Variants in FAM161B observed in about 807,000 individuals in gnomAD.
FAM161B encodes protein FAM161B.
In FAM161B, 46 loss-of-function variants were observed where a neutral mutation model predicts 61.5. The ratio of observed to expected loss-of-function variants is 0.75; its 90% CI spans 0.59 to 0.96. The LOEUF (loss-of-function observed/expected upper bound fraction) is 0.96. Among genes scored for constraint, FAM161B ranks in the 40% least tolerant of loss-of-function variants. The probability of loss-of-function intolerance (pLI) is 0.00; values close to 1 mark genes in which losing one functional copy is unlikely to be tolerated. For synonymous variants in FAM161B, 284 were observed against 302.7 expected, an observed-to-expected ratio of 0.94 and a Z score of 0.64; for missense variants, 774 against 800.7, an observed-to-expected ratio of 0.97 and a Z score of 0.40.
downstream of FAM161B, among the ~76,000 whole-genome samples, chr14:73,930,334 A>G (rs1032408754): frequency 4.6e-5 from 7 of 152,118 alleles, no homozygotes; most frequent in African/African-American, 1.7e-4. Flanking sequence ...CTTAAAAAAA[A>G]GTTTTTTTGG....
chr14:73,936,580 A>G (rs2055972171), intron 7 of FAM161B, among the ~76,000 whole-genome samples: 1 of 152,242 alleles, frequency 6.6e-6, no homozygotes, highest in Non-Finnish European at 1.5e-5. Context: ...TTGTTTAAGT[A>G]TTCAAGAACA....
At chr14:73,926,485 G>A in the FAM161B span, among the ~76,000 whole-genome samples, 38 of 152,170 alleles carry the variant, frequency 2.5e-4, no homozygotes, top group Non-Finnish European at 5.1e-4. Flanking sequence ...CAGGTCAAGA[G>A]TGCAGTGGCG....
rs2055985971 is a variant in FAM161B at position 73,938,080 on chromosome 14, T to C, written c.1433A>G (p.Glu478Gly). The C allele has an allele frequency of 1.2e-6, 2 of 1,614,206 alleles. No homozygotes were observed. The highest frequency in any genetic ancestry group is 2.2e-5 in the East Asian group (1 of 44,894). The change falls in exon 6 of 9, where the codon GAG becomes GGG. Residue 478 changes from glutamate (E) to glycine (G), a missense_variant. By Grantham distance (98) the Glu-to-Gly change is moderately conservative. Transcript: ENST00000286544. ...GTGTATCTCCAGCCACTGAATACTC[T>C]CATCTGCTTTGTTCTTTTTTTCAAG... ...SALEKKNKAD[E>G]SIQWLEIHKK... is the part of the protein sequence containing the mutation.
At chr14:73,949,124 G>GAC (rs111395127) in intron 1 of FAM161B, among the ~76,000 whole-genome samples, 62,316 of 151,058 alleles carry the variant, frequency 0.41, 13,530 homozygotes, top group South Asian at 0.49. Flanking sequence ...TTGTTTTTGA[G>GAC]AGAGTTTTGC....
At position 73,944,321 on chromosome 14, in the gene FAM161B, A is replaced by T; in HGVS notation, c.925+14T>A. On this transcript the variant is annotated intron_variant, in intron 3 of 8. Coordinates refer to ENST00000286544, the MANE Select transcript of FAM161B (RefSeq NM_152445.3). ...CCGAGGCAGGAGGCAGCAAGGTGGC[A>T]AGGATGTCTTTACCCTGGAGTTTAT... 1 of 1,557,034 alleles carries T rather than the reference A, an allele frequency of 6.4e-7. No individual in the cohort carries two copies. The highest frequency in any genetic ancestry group is 8.7e-7 in the Non-Finnish European group (1 of 1,147,948).
chr14:73,944,331 T>G lies in FAM161B; in HGVS notation c.925+4A>C. 1 of 1,570,054 alleles carries G rather than the reference T, an allele frequency of 6.4e-7. No individual in the cohort carries two copies. ...AGGCAGCAAGGTGGCAAGGATGTCTTTACCCTGGAGTTTATCCCCAAGGGC... is the reference window on the plus strand; with the variant it reads ...AGGCAGCAAGGTGGCAAGGATGTCTGTACCCTGGAGTTTATCCCCAAGGGC... On this transcript the variant is annotated splice_donor_region_variant and intron_variant, in intron 3 of 8. Coordinates refer to ENST00000286544, the MANE Select transcript of FAM161B (RefSeq NM_152445.3).
At chr14:73,943,749 G>A (rs900955643) in intron 3 of FAM161B, among the ~76,000 whole-genome samples, 22 of 152,126 alleles carry the variant, frequency 1.4e-4, no homozygotes, top group African/African-American at 4.8e-4. Context: ...TAAATAACTC[G>A]CCACATTTGT....
chr14:73,934,453 ACT>A, intron 8 of FAM161B, 59 bp from the exon 9 acceptor site: 5 of 1,521,570 alleles, frequency 3.3e-6, no homozygotes, highest in Non-Finnish European at 8.8e-7. Context: ...ACAGGGTCTC[ACT>A]CTCACCCAGG....
In FAM161B at chr14:73,934,391, G is replaced by T. The variant is rs1395177858; in HGVS notation, c.1809C>A (p.Phe603Leu). 6.3e-7 allele frequency: 1 copy of T among 1,597,456 alleles called. No individual in the cohort carries two copies. Among genetic ancestry groups the T allele is most frequent in the Non-Finnish European group, 8.5e-7 (1 of 1,175,810 alleles). ...KETKIKDFPR[F>L]QETTKLSIRD... ...TGATGCTGAGTTTTGTAGTTTCTTG[G>T]AACCTGCAGAATAAATTAAAACATG... Residue 603 changes from phenylalanine to leucine, a missense_variant, in exon 9 of 9, where the codon TTC (phenylalanine) becomes TTA (leucine). Transcript: ENST00000286544.
chr14:73,943,819 C>CCATAGCACAGTGCCTGGAG (rs1555356055), intron 3 of FAM161B, among the ~76,000 whole-genome samples: 2 of 152,170 alleles, frequency 1.3e-5, no homozygotes, highest in African/African-American at 4.8e-5. Flanking sequence ...TGTGTGTTCA[C>CCATAGCACAGTGCCTGGAG]CATGGCACAG....
In FAM161B at chr14:73,944,558, C is replaced by T; in HGVS notation, c.702G>A (p.Met234Ile). 6.2e-7 allele frequency: 1 copy of T among 1,614,156 alleles called. No individual in the cohort carries two copies. The highest frequency in any genetic ancestry group is 8.5e-7 in the Non-Finnish European group (1 of 1,180,020). Residue 234 changes from methionine to isoleucine, a missense_variant, in exon 3 of 9, where the codon ATG (methionine) becomes ATA (isoleucine). Transcript: ENST00000286544. ...HVYLPLYQEI[M>I]ERSEARRQAG... ...CCTGCCTTCGGGCCTCGCTGCGCTCCATGATCTCTTGGTAGAGGGGCAGGT... is the reference window on the plus strand; with the variant it reads ...CCTGCCTTCGGGCCTCGCTGCGCTCTATGATCTCTTGGTAGAGGGGCAGGT...
At chr14:73,941,193 C>G in intron 4 of FAM161B, 140 bp from the exon 5 acceptor site, 2 of 1,060,674 alleles carry the variant, frequency 1.9e-6, no homozygotes, top group Non-Finnish European at 2.6e-6. Context: ...TCTCGGCTCA[C>G]TGCAACCTCC....
chr14:73,939,026 C>T lies in FAM161B; in HGVS notation c.1401-914G>A, dbSNP rs537751484. The stretch of plus-strand genomic sequence containing the variant: ...AAAATATCCTTACTTAGGTCGGGCA[C>T]GGTGGCTCATGGCTGTAATCTCAGC... On this transcript the variant is annotated intron_variant, in intron 5 of 8. Coordinates refer to ENST00000286544, the MANE Select transcript of FAM161B (RefSeq NM_152445.3). Among the ~76,000 whole-genome samples, 12 of 150,906 alleles carry T rather than the reference C, an allele frequency of 8.0e-5. No homozygotes were observed. The East Asian group carries it at 9.9e-4, about 12-fold the overall frequency.
chr14:73,931,743 A>G (rs2055919387), downstream of FAM161B: 8 of 581,706 alleles, frequency 1.4e-5, no homozygotes, highest in Non-Finnish European at 2.5e-5. Flanking sequence ...CAGACAAGGA[A>G]TGAAGCAATG....
intron 1 of FAM161B, among the ~76,000 whole-genome samples, chr14:73,948,577 CTTTTA>C (rs1046361940): frequency 3.9e-5 from 6 of 152,222 alleles, no homozygotes; most frequent in Non-Finnish European, 5.9e-5. Context: ...TTTTTCTTTT[CTTTTA>C]AAGACAACTT....
Position 73,934,224 on chromosome 14 carries a change from T to TTA in FAM161B, c.*31_*32insTA. On this transcript the variant is annotated 3_prime_UTR_variant, in exon 9 of 9. Coordinates refer to ENST00000286544, the MANE Select transcript of FAM161B (RefSeq NM_152445.3). ...TCAAACCCAAGTTAGCTGCTTAATA[T>TTA]TTTTCAAAAGCAGTAATTTTAAGTG... 1.9e-6 allele frequency: 3 copies of TTA among 1,599,900 alleles called. No homozygotes were observed. The highest frequency in any genetic ancestry group is 2.6e-6 in the Non-Finnish European group (3 of 1,175,568).
At chr14:73,925,577 A>G in the FAM161B span, among the ~76,000 whole-genome samples, 2 of 152,018 alleles carry the variant, frequency 1.3e-5, no homozygotes, top group African/African-American at 4.8e-5. Context: ...GCAGGCACCC[A>G]CTACCAAACC....
In FAM161B at chr14:73,945,497, C is replaced by G. The variant is rs149617891; in HGVS notation, c.375-612G>C. ...TACTGTTGCCCAAGCTGGGCGTGAT[C>G]TTGGCTCACTGCAACCTCCACCTCC... On this transcript the variant is annotated intron_variant, in intron 2 of 8. Coordinates refer to ENST00000286544, the MANE Select transcript of FAM161B (RefSeq NM_152445.3). Among the ~76,000 whole-genome samples, 789 of 152,198 alleles carry G rather than the reference C, an allele frequency of 5.2e-3. 2 individuals carry two copies. The highest frequency in any genetic ancestry group is 7.8e-3 in the Non-Finnish European group (532 of 68,012).
chr14:73,945,043 G>C (rs147548563), intron 2 of FAM161B, among the ~76,000 whole-genome samples, 158 bp from the exon 3 acceptor site: 1 of 152,316 alleles, frequency 6.6e-6, no homozygotes, highest in Non-Finnish European at 1.5e-5. Context: ...CCTTCCCACA[G>C]ACAATCCTGG....
Sources: gnomAD v4.1 joint callset for allele counts (sites outside exome capture counted in the v4.1 genomes callset) on GRCh38, gnomAD v4.1.1 for gene constraint, MANE v1.5 for transcripts, NCBI Gene and HGNC (gene_info 2026-07-23, HGNC 2026-07-21) for gene names.